Variants in SNTG2 observed in about 807,000 individuals in gnomAD.
SNTG2 encodes the protein syntrophin gamma 2.
In SNTG2, 74 loss-of-function variants were observed where a neutral mutation model predicts 70.9. The ratio of observed to expected loss-of-function variants is 1.04; its 90% CI spans 0.86 to 1.27. The LOEUF (loss-of-function observed/expected upper bound fraction) is 1.27, where lower values mean the gene tolerates loss of function less well. Ranked by LOEUF, SNTG2 falls within the 50% of genes most tolerant of loss-of-function variation. The pLI is 0.00. For missense variants in SNTG2, 717 were observed against 690.7 expected (o/e 1.04, Z -0.43); for synonymous variants, 278 against 273.8 (o/e 1.02, Z -0.15).
chr2:1,357,532 A>G (rs1457993638), intron 16 of SNTG2, among the ~76,000 whole-genome samples: 3 of 152,194 alleles, frequency 2.0e-5, no homozygotes, highest in East Asian at 1.9e-4. Flanking sequence ...GTGGCCTTAC[A>G]TAATGAGTTT....
chr2:1,302,953 T>G (rs1187169230), intron 14 of SNTG2, among the ~76,000 whole-genome samples: 1 of 150,676 alleles, frequency 6.6e-6, no homozygotes, highest in African/African-American at 2.4e-5. Flanking sequence ...CCATCCTAAG[T>G]GAGTATTCAC....
chr2:1,151,504 A>C (rs1444245927), intron 6 of SNTG2, among the ~76,000 whole-genome samples: 1 of 152,116 alleles, frequency 6.6e-6, no homozygotes, highest in African/African-American at 2.4e-5. Flanking sequence ...TTCTGCAGGA[A>C]CACCAGACAC....
chr2:1,240,057 G>A (rs546854457), intron 11 of SNTG2, among the ~76,000 whole-genome samples: 23 of 152,274 alleles, frequency 1.5e-4, no homozygotes, highest in East Asian at 3.9e-4. Context: ...GTAAAGAATC[G>A]TGATTTAAAT....
intron 9 of SNTG2, among the ~76,000 whole-genome samples, chr2:1,209,588 A>C (rs889270603): frequency 6.6e-6 from 1 of 152,220 alleles, no homozygotes; most frequent in African/African-American, 2.4e-5. Context: ...GTTTTTAGAA[A>C]TGCCACTTAA....
At chr2:1,215,567 T>TA (rs1359722739) in intron 9 of SNTG2, among the ~76,000 whole-genome samples, 51 of 152,220 alleles carry the variant, frequency 3.4e-4, no homozygotes, top group African/African-American at 1.2e-3. Flanking sequence ...TTCTTTTTTT[T>TA]ATTATACTTT....
chr2:1,006,402 C>CAAA (rs1553307556), intron 1 of SNTG2, among the ~76,000 whole-genome samples: 20 of 55,922 alleles, frequency 3.6e-4, no homozygotes, highest in African/African-American at 2.0e-3. Context: ...AGTAGAATTT[C>CAAA]AAAAAAAAAA....
chr2:1,155,623 T>G (rs1272339558), intron 6 of SNTG2, among the ~76,000 whole-genome samples: 1 of 152,076 alleles, frequency 6.6e-6, no homozygotes, highest in Admixed American at 6.5e-5. Context: ...CTGGCCGTGG[T>G]GGTGGGTGCC....
Position 1,060,640 on chromosome 2 carries a change from C to A in SNTG2, c.73-22878C>A, listed in dbSNP as rs1016926339. ...GCCTGAAAGTGTCCCATGGGCCAAG[C>A]CTCGAATAATTCAAATATGAACCTA... On this transcript the variant is annotated intron_variant, in intron 1 of 16. Coordinates refer to ENST00000308624, the MANE Select transcript of SNTG2 (RefSeq NM_018968.4). Among the ~76,000 whole-genome samples the A allele has an allele frequency of 3.9e-5, 6 of 152,058 alleles. No homozygotes were observed. The East Asian group carries it at 1.2e-3, about 29-fold the overall frequency.
chr2:1,134,956 G>T (rs552895167), intron 4 of SNTG2, among the ~76,000 whole-genome samples: 4 of 152,170 alleles, frequency 2.6e-5, no homozygotes, highest in African/African-American at 9.7e-5. Context: ...CTCCGCAGCC[G>T]CTGGCCAGGG....
intron 4 of SNTG2, among the ~76,000 whole-genome samples, chr2:1,114,135 AAGTG>A (rs1442527129): frequency 6.7e-6 from 1 of 149,958 alleles, no homozygotes; most frequent in Non-Finnish European, 1.5e-5. Context: ...CGTGTGTACT[AAGTG>A]AGGTTTAACC....
At chr2:964,325 C>T (rs1474838738) in intron 1 of SNTG2, among the ~76,000 whole-genome samples, 1 of 152,194 alleles carries the variant, frequency 6.6e-6, no homozygotes, top group African/African-American at 2.4e-5. Flanking sequence ...GGGAGCCCTT[C>T]CTGTCCCATG....
At chr2:1,085,420 T>A (rs1347323073) in intron 2 of SNTG2, among the ~76,000 whole-genome samples, 6 of 152,338 alleles carry the variant, frequency 3.9e-5, no homozygotes, top group Non-Finnish European at 5.9e-5. Context: ...TGCTCATAGG[T>A]ATAGACTTAT....
intron 16 of SNTG2, among the ~76,000 whole-genome samples, chr2:1,355,375 C>T (rs1164092048): frequency 6.6e-6 from 1 of 152,210 alleles, no homozygotes; most frequent in Non-Finnish European, 1.5e-5. Flanking sequence ...CCCCTGGCAG[C>T]CCCATGCTAC....
At chr2:1,029,381 A>G (rs1370271907) in intron 1 of SNTG2, among the ~76,000 whole-genome samples, 6 of 152,206 alleles carry the variant, frequency 3.9e-5, no homozygotes, top group Non-Finnish European at 8.8e-5. Context: ...AAGCTATAAC[A>G]TGTCTAAATA....
In SNTG2 at chr2:1,161,856, C is replaced by T. The variant is rs570693473; in HGVS notation, c.412-3692C>T. ...TTGGGAGGCCGAGGCGGGCGGATCACGAGGTCAGGAGATCGAGACCATCCT... is the reference window on the plus strand; with the variant it reads ...TTGGGAGGCCGAGGCGGGCGGATCATGAGGTCAGGAGATCGAGACCATCCT... On this transcript the variant is annotated intron_variant, in intron 6 of 16. Transcript: ENST00000308624. Among the ~76,000 whole-genome samples the T allele has an allele frequency of 2.9e-4, 44 of 152,146 alleles. No individual in the cohort carries two copies. In the Middle Eastern group the frequency reaches 0.01, roughly 35 times the overall value.
intron 4 of SNTG2, among the ~76,000 whole-genome samples, chr2:1,102,110 C>G (rs796404857): frequency 3.3e-4 from 51 of 152,286 alleles, no homozygotes; most frequent in African/African-American, 1.1e-3. Context: ...CTGGAGAAGG[C>G]AGGCAGTGAA....
At chr2:970,425 C>G (rs574723811) in intron 1 of SNTG2, among the ~76,000 whole-genome samples, 8 of 137,210 alleles carry the variant, frequency 5.8e-5, no homozygotes, top group South Asian at 2.9e-4. Context: ...CCCCTCCCCC[C>G]ACCCCACAAC....
At chr2:1,031,538 T>A (rs1374677703) in intron 1 of SNTG2, among the ~76,000 whole-genome samples, 32 of 69,166 alleles carry the variant, frequency 4.6e-4, no homozygotes, top group South Asian at 2.5e-3. Context: ...ATTTTTTTTT[T>A]TTTTTTTTTT....
intron 16 of SNTG2, among the ~76,000 whole-genome samples, chr2:1,357,993 T>C (rs967822053): frequency 1.3e-4 from 20 of 152,268 alleles, no homozygotes; most frequent in South Asian, 8.3e-4. Context: ...CTCTGTGAAA[T>C]CAAAGATCAA....
Sources: allele counts gnomAD v4.1 joint callset (sites outside exome capture counted in the v4.1 genomes callset), GRCh38; gene constraint gnomAD v4.1.1; transcripts MANE v1.5; gene names NCBI Gene and HGNC (gene_info 2026-07-23, HGNC 2026-07-21).